PIK3C2B: variants seen among roughly 807,000 people sequenced by gnomAD.
The protein encoded by PIK3C2B is phosphatidylinositol-4-phosphate 3-kinase catalytic subunit type 2 beta, also known as phosphatidylinositol 4-phosphate 3-kinase C2 domain-containing subunit beta.
Under a neutral mutation model 184.3 loss-of-function variants are expected in PIK3C2B, and 83 were observed. The ratio of observed to expected loss-of-function variants is 0.45; its 90% CI spans 0.38 to 0.54. PIK3C2B has a LOEUF of 0.54. Ranked by LOEUF, PIK3C2B falls within the 20% of genes least tolerant of loss-of-function variation. The pLI is 0.00. For missense variants in PIK3C2B, 1,736 were observed against 2,113.5 expected (o/e 0.82, Z 3.50); for synonymous variants, 779 against 837.6 (o/e 0.93, Z 1.21).
rs753073995 is a variant in PIK3C2B, at chr1:204,432,245, A to C, written c.4110T>G (p.Val1370=). 6.2e-6 allele frequency: 10 copies of C among 1,614,148 alleles called. No homozygotes were observed. Among genetic ancestry groups the C allele is most frequent in the Non-Finnish European group, 8.5e-6 (10 of 1,180,036 alleles). Residue 1370 remains valine (V), a synonymous_variant, in exon 27 of 33, where the codon GTT becomes GTG. Coordinates refer to ENST00000684373, the MANE Select transcript of PIK3C2B (RefSeq NM_001377334.1). The part of the protein sequence containing the change: ...TLKSSGRISD[V]FLCRHEKIFH... Reference sequence around the variant, plus strand: ...AGATCTTCTCATGGCGGCAGAGGAAAACATCACTGATTCGGCCAGAGCTCT... The same window carrying C: ...AGATCTTCTCATGGCGGCAGAGGAACACATCACTGATTCGGCCAGAGCTCT...
Position 204,433,401 on chromosome 1 carries a change from G to T in PIK3C2B, c.3868C>A (p.Leu1290Ile), listed in dbSNP as rs201366759. 3.7e-6 allele frequency: 6 copies of T among 1,609,198 alleles called. No individual in the cohort carries two copies. The highest frequency in any genetic ancestry group is 5.1e-6 in the Non-Finnish European group (6 of 1,175,660). The change falls in exon 26 of 33, where the codon CTC becomes ATC. Residue 1290 changes from leucine to isoleucine, a missense_variant. Transcript: ENST00000684373. This position sits in a 1 kb window ranked among gnomAD's most constrained non-coding sequence, Gnocchi z 5.0. ...GLMLSCGIPE[L>I]SDLEDLKYVY... Reference sequence around the variant, plus strand: ...TACTTGAGGTCCTCCAGGTCTGAGAGTTCAGGGATCCCACAGGACAACATC... The same window carrying T: ...TACTTGAGGTCCTCCAGGTCTGAGATTTCAGGGATCCCACAGGACAACATC...
intron 15 of PIK3C2B, among the ~76,000 whole-genome samples, chr1:204,446,385 T>C (rs3747633): frequency 1.3e-5 from 2 of 152,148 alleles, no homozygotes; most frequent in Non-Finnish European, 2.9e-5. Context: ...GGCATCAGTC[T>C]ATGCCACAGA....
At chr1:204,427,054 T>C (rs758268586) in intron 31 of PIK3C2B, among the ~76,000 whole-genome samples, 1 of 152,030 alleles carries the variant, frequency 6.6e-6, no homozygotes, top group Non-Finnish European at 1.5e-5. Flanking sequence ...GGAAAATCGC[T>C]TGAACCCAGG....
intron 8 of PIK3C2B, among the ~76,000 whole-genome samples, chr1:204,458,762 GGGATTACAGGCGTGA>G (rs1655080358): frequency 6.6e-6 from 1 of 152,008 alleles, no homozygotes; most frequent in African/African-American, 2.4e-5. Flanking sequence ...CCAAAGTGCT[GGGATTACAGGCGTGA>G]GCCACCGCAC....
At chr1:204,474,179 CAG>C (rs923505984) in intron 1 of PIK3C2B, among the ~76,000 whole-genome samples, 20 of 152,254 alleles carry the variant, frequency 1.3e-4, no homozygotes, top group African/African-American at 4.6e-4. Context: ...TTAGTAGAGA[CAG>C]AGTTTCATCA....
At chr1:204,460,482 G>A in intron 6 of PIK3C2B, 68 bp downstream of exon 6, 1 of 1,540,704 alleles carries the variant, frequency 6.5e-7, no homozygotes. Context: ...CCCACCTGAT[G>A]TGTTCTATAT....
In PIK3C2B at chr1:204,431,771, C is replaced by T; in HGVS notation, c.4178G>A (p.Arg1393Gln). The change falls in exon 28 of 33, where the codon CGA becomes CAA. Residue 1393 changes from arginine (R) to glutamine (Q), a missense_variant. Arg to Gln is a conservative substitution (Grantham distance 43). Transcript: ENST00000684373. ...KGYIYVVKVM[R>Q]ENTHEATYIQ... is the part of the protein sequence containing the mutation. ...GTAGGTGGCCTCGTGAGTGTTCTCT[C>T]GCATCACCTTTACCACATATATCTG... 6.2e-7 allele frequency: 1 copy of T among 1,614,188 alleles called. No homozygotes were observed. Among genetic ancestry groups the T allele is most frequent in the Non-Finnish European group, 8.5e-7 (1 of 1,180,034 alleles).
rs767441091 is a variant in PIK3C2B at position 204,443,557 on chromosome 1, G to A, written c.2908C>T (p.Arg970Cys). The A allele has an allele frequency of 1.7e-5, 28 of 1,614,096 alleles. No homozygotes were observed. Among genetic ancestry groups the A allele is most frequent in the Admixed American group, 3.3e-5 (2 of 60,006 alleles). ...AAGGCTGCCAGCAGATACTGGTAGC[G>A]GATGCTGAACTGAGAGTCCTTGAGG... The part of the protein sequence containing the change: ...DGLKDSQFSI[R>C]YQYLLAALLC... Residue 970 changes from arginine (R) to cysteine (C), a missense_variant, in exon 19 of 33, where the codon CGC becomes TGC. Transcript: ENST00000684373.
At chr1:204,478,405 G>A (rs1350914285) in intron 1 of PIK3C2B, among the ~76,000 whole-genome samples, 1 of 152,130 alleles carries the variant, frequency 6.6e-6, no homozygotes, top group Non-Finnish European at 1.5e-5. Flanking sequence ...CTACAGCAGG[G>A]AGGTGTATTA....
At chr1:204,474,052 C>T (rs190892397) in intron 1 of PIK3C2B, among the ~76,000 whole-genome samples, 97 of 131,650 alleles carry the variant, frequency 7.4e-4, no homozygotes, top group African/African-American at 2.3e-3. Flanking sequence ...AGTGCAATGG[C>T]GCGATCTCGG....
intron 5 of PIK3C2B, among the ~76,000 whole-genome samples, chr1:204,462,249 C>T (rs1436615595): frequency 7.9e-5 from 12 of 152,184 alleles, no homozygotes; most frequent in Admixed American, 7.8e-4. Context: ...ACAGCTCCCA[C>T]TACCTCCGGA....
chr1:204,469,890 C>T lies in PIK3C2B; in HGVS notation c.-84-4G>A, dbSNP rs759544729. The T allele has an allele frequency of 5.2e-6, 4 of 768,188 alleles. No homozygotes were observed. Among genetic ancestry groups the T allele is most frequent in the Non-Finnish European group, 8.9e-6 (4 of 449,886 alleles). The allele number at this position is 768,188 out of a possible 1,614,324, so 47.6% of individuals were successfully genotyped here. A position where few individuals can be genotyped will look rare whatever the true frequency, so the allele number is the denominator to read the frequency against. ...TTGTGACATGGTGTCTGGGCGCCTGCAGGTGAGGGGTAAAAATATCAATCA... is the reference window on the plus strand; with the variant it reads ...TTGTGACATGGTGTCTGGGCGCCTGTAGGTGAGGGGTAAAAATATCAATCA... On this transcript the variant is annotated splice_region_variant and splice_polypyrimidine_tract_variant and intron_variant, in intron 1 of 32. Transcript: ENST00000684373.
Position 204,480,359 on chromosome 1 carries a change from AG to A in PIK3C2B, c.-84-10474del, listed in dbSNP as rs1306012273. Among the ~76,000 whole-genome samples, 6 of 152,292 alleles carry A rather than the reference AG, an allele frequency of 3.9e-5. 1 individual carries two copies. Among genetic ancestry groups the A allele is most frequent in the African/African-American group, 1.4e-4 (6 of 41,566 alleles). On this transcript the variant is annotated intron_variant, in intron 1 of 32. Transcript: ENST00000684373. ...GGTCCTCCTTTCTGTCCCAGATGAGAGGGAGGACCACTCAGGCTAAGTGACT... is the reference window on the plus strand; with the variant it reads ...GGTCCTCCTTTCTGTCCCAGATGAGAGGAGGACCACTCAGGCTAAGTGACT...
chr1:204,454,399 G>A (rs1302050764), intron 12 of PIK3C2B, among the ~76,000 whole-genome samples: 2 of 150,898 alleles, frequency 1.3e-5, no homozygotes, highest in Admixed American at 1.3e-4. Context: ...GAAGAATGGC[G>A]TGAACCCAGG....
At chr1:204,463,470 G>T (rs1655494896) in intron 5 of PIK3C2B, among the ~76,000 whole-genome samples, 1 of 152,158 alleles carries the variant, frequency 6.6e-6, no homozygotes, top group African/African-American at 2.4e-5. Context: ...TCCAGAGAGG[G>T]CACTGGATGG....
intron 5 of PIK3C2B, among the ~76,000 whole-genome samples, 170 bp from the exon 6 acceptor site, chr1:204,460,831 G>A (rs1655276459): frequency 1.3e-5 from 2 of 152,184 alleles, no homozygotes. Flanking sequence ...GAGCTTAGGA[G>A]AAGGAACAGA....
At chr1:204,464,302 G>T in intron 4 of PIK3C2B, 148 bp downstream of exon 4, 1 of 1,051,150 alleles carries the variant, frequency 9.5e-7, no homozygotes, top group Non-Finnish European at 1.4e-6. Flanking sequence ...CTAGAATGCT[G>T]GCCCCATAGC....
chr1:204,469,822 G>A lies in PIK3C2B; in HGVS notation c.-20C>T. 1.3e-6 allele frequency: 2 copies of A among 1,566,316 alleles called. No homozygotes were observed. The highest frequency in any genetic ancestry group is 1.8e-6 in the Non-Finnish European group (2 of 1,136,914). On this transcript the variant is annotated 5_prime_UTR_variant, in exon 2 of 33. Transcript: ENST00000684373. ...AGACATGGTGAGGATGGGGGACACAGGCAACAAAGTCTCTACTTCCTGCCA... is the reference window on the plus strand; with the variant it reads ...AGACATGGTGAGGATGGGGGACACAAGCAACAAAGTCTCTACTTCCTGCCA...
intron 12 of PIK3C2B, among the ~76,000 whole-genome samples, chr1:204,454,097 T>G (rs1173950113): frequency 6.6e-6 from 1 of 152,026 alleles, no homozygotes; most frequent in African/African-American, 2.4e-5. Flanking sequence ...TTATATGTTT[T>G]TTATGGTTTA....
Sources: gnomAD v4.1 joint callset for allele counts (sites outside exome capture counted in the v4.1 genomes callset) on GRCh38, gnomAD v4.1.1 for gene constraint, Gnocchi (gnomAD v3.1) non-coding constraint, MANE v1.5 for transcripts, NCBI Gene and HGNC (gene_info 2026-07-23, HGNC 2026-07-21) for gene names.